TES: variants seen among roughly 807,000 people sequenced by gnomAD.
TES encodes the protein testin LIM domain protein.
A neutral mutation model predicts 48.2 loss-of-function variants in TES; 41 were observed. That is an observed-to-expected ratio of 0.85 (90% confidence interval 0.66 to 1.10). The LOEUF is 1.10. TES is among the 50% of genes least tolerant of loss of function. The pLI is 0.00. For synonymous variants in TES, 162 were observed against 174.9 expected, an observed-to-expected ratio of 0.93 and a Z score of 0.58; for missense variants, 463 against 515.1, an observed-to-expected ratio of 0.90 and a Z score of 0.98.
At chr7:116,216,773 T>C (rs1799499412) in intron 1 of TES, among the ~76,000 whole-genome samples, 1 of 152,084 alleles carries the variant, frequency 6.6e-6, no homozygotes, top group Admixed American at 6.6e-5. Context: ...TAAGTTTAAT[T>C]AATTTAAATC....
intron 4 of TES, 69 bp from the exon 5 acceptor site, chr7:116,251,691 A>T: frequency 7.4e-7 from 1 of 1,359,422 alleles, no homozygotes; most frequent in Non-Finnish European, 1.0e-6. Context: ...TCAAAAAAAA[A>T]AAAAGAAAGA....
At chr7:116,245,429 C>T (rs1053376318) in intron 2 of TES, among the ~76,000 whole-genome samples, 1 of 152,122 alleles carries the variant, frequency 6.6e-6, no homozygotes, top group South Asian at 2.1e-4. Context: ...ACAAGTTCCT[C>T]ATCTCTATCT....
At chr7:116,215,011 C>G (rs535176895) in intron 1 of TES, among the ~76,000 whole-genome samples, 1 of 152,274 alleles carries the variant, frequency 6.6e-6, no homozygotes, top group East Asian at 1.9e-4. Flanking sequence ...ACCTTCTTAC[C>G]TTGCTTACAA....
In TES at chr7:116,237,379, C is replaced by A. The variant is rs537098585; in HGVS notation, c.113+2760C>A. Among the ~76,000 whole-genome samples the A allele has an allele frequency of 5.3e-5, 8 of 152,256 alleles. No homozygotes were observed. In the East Asian group the frequency reaches 1.5e-3, roughly 29 times the overall value. On this transcript the variant is annotated intron_variant, in intron 2 of 6. Coordinates refer to ENST00000358204, the MANE Select transcript of TES (RefSeq NM_015641.4). ...TTACATACTTCAGATGACTTAAGAA[C>A]CCTCAGTAGTTTCCCACTGGACTTC... is the stretch of plus-strand genomic sequence containing the variant.
At chr7:116,249,342 A>G in intron 3 of TES, 70 bp downstream of exon 3, 1 of 1,574,830 alleles carries the variant, frequency 6.3e-7, no homozygotes, top group Non-Finnish European at 8.7e-7. Flanking sequence ...AGTTTCTTTG[A>G]TGACCTAATC....
intron 5 of TES, 21 bp downstream of exon 5, chr7:116,251,996 G>A (rs1800020950): frequency 6.2e-6 from 10 of 1,609,656 alleles, no homozygotes; most frequent in East Asian, 2.2e-5. Flanking sequence ...TGGGACCACC[G>A]GCATGCTGGT....
intron 2 of TES, among the ~76,000 whole-genome samples, chr7:116,246,050 G>A (rs1040487480): frequency 4.0e-5 from 6 of 148,976 alleles, no homozygotes; most frequent in Non-Finnish European, 7.5e-5. Context: ...TGGGAACTAC[G>A]ATTCAAGATG....
intron 1 of TES, among the ~76,000 whole-genome samples, chr7:116,219,436 G>A (rs925394532): frequency 6.6e-6 from 1 of 152,124 alleles, no homozygotes; most frequent in Non-Finnish European, 1.5e-5. Flanking sequence ...CATCTATTGA[G>A]AGAGAGGAGG....
intron 1 of TES, among the ~76,000 whole-genome samples, chr7:116,225,002 T>C (rs898790556): frequency 5.1e-4 from 78 of 151,990 alleles, no homozygotes; most frequent in Admixed American, 2.2e-3. Context: ...CAATTTCCTT[T>C]TTATGAAATA....
chr7:116,221,304 C>T (rs1259052015), intron 1 of TES, among the ~76,000 whole-genome samples: 1 of 152,032 alleles, frequency 6.6e-6, no homozygotes, highest in African/African-American at 2.4e-5. Flanking sequence ...TATTAGGTTC[C>T]CTGAGAAAGC....
chr7:116,219,458 T>C (rs1413615630), intron 1 of TES, among the ~76,000 whole-genome samples: 1 of 152,092 alleles, frequency 6.6e-6, no homozygotes, highest in Non-Finnish European at 1.5e-5. Flanking sequence ...AATTTCACAG[T>C]AGAGTCTAGC....
chr7:116,247,683 A>G (rs1037082363), intron 2 of TES, among the ~76,000 whole-genome samples: 3 of 152,218 alleles, frequency 2.0e-5, no homozygotes. Flanking sequence ...AACACACTGA[A>G]TTTGTTAAAA....
rs916878274 is a variant in TES at position 116,252,202 on chromosome 7, A to G, written c.919-116A>G. ...GATTTAGACTAAACTAAGTGATAGC[A>G]TAAGTTCAAGCTTTAGGTTATCATT... On this transcript the variant is annotated intron_variant, in intron 5 of 6. Transcript: ENST00000358204. 5.5e-5 allele frequency: 66 copies of G among 1,191,182 alleles called. 2 individuals carry two copies. In the South Asian group the frequency reaches 9.7e-4, roughly 17 times the overall value. The allele number at this position is 1,191,182 out of a possible 1,614,324, so 73.8% of individuals were successfully genotyped here.
At chr7:116,226,866 GTCT>G (rs1317881027) in intron 1 of TES, among the ~76,000 whole-genome samples, 1 of 152,136 alleles carries the variant, frequency 6.6e-6, no homozygotes, top group Non-Finnish European at 1.5e-5. Context: ...TTTGTCTTCA[GTCT>G]TCTTCTCATG....
intron 6 of TES, among the ~76,000 whole-genome samples, chr7:116,253,843 T>C (rs73452247): frequency 0.33 from 49,504 of 151,778 alleles, 8,394 homozygotes; most frequent in East Asian, 0.57. Flanking sequence ...CCCAATGGTG[T>C]GTGTGTGGGT....
At chr7:116,225,859 G>A (rs1310605761) in intron 1 of TES, among the ~76,000 whole-genome samples, 5 of 152,236 alleles carry the variant, frequency 3.3e-5, no homozygotes, top group African/African-American at 7.2e-5. Flanking sequence ...TTATCAGGGC[G>A]TTCCATTTTA....
intron 5 of TES, 121 bp downstream of exon 5, chr7:116,252,096 T>C: frequency 8.9e-7 from 1 of 1,129,478 alleles, no homozygotes; most frequent in South Asian, 1.6e-5. Context: ...CAAAGAAGTT[T>C]TAAAAAATAA....
intron 1 of TES, among the ~76,000 whole-genome samples, chr7:116,215,737 C>G (rs3807961): frequency 6.6e-6 from 1 of 151,980 alleles, no homozygotes; most frequent in East Asian, 1.9e-4. Context: ...AAGGGATGCT[C>G]GTGGTCTTTT....
intron 2 of TES, among the ~76,000 whole-genome samples, chr7:116,236,016 A>AT (rs952255554): frequency 1.1e-3 from 170 of 151,768 alleles, no homozygotes; most frequent in African/African-American, 1.5e-3. Context: ...GTTTTCCAGA[A>AT]TTTTTTTTTA....
Sources: gnomAD v4.1 joint callset for allele counts (sites outside exome capture counted in the v4.1 genomes callset) on GRCh38, gnomAD v4.1.1 for gene constraint, MANE v1.5 for transcripts, NCBI Gene and HGNC (gene_info 2026-07-23, HGNC 2026-07-21) for gene names.